The following HSPD1 variants were observed in gnomAD, a reference collection of about 807,000 sequenced individuals.
The protein encoded by HSPD1 is heat shock protein family D (Hsp60) member 1.
A neutral mutation model predicts 53.0 loss-of-function variants in HSPD1; 3 were observed. That is an observed-to-expected ratio of 0.06 (90% CI 0.03 to 0.15). The LOEUF (loss-of-function observed/expected upper bound fraction) is 0.15. Among genes scored for constraint, HSPD1 ranks in the 10% least tolerant of loss-of-function variants. The pLI, the probability that HSPD1 is intolerant of heterozygous loss-of-function variation, is 1.00. For missense variants in HSPD1, 431 were observed against 694.1 expected, an observed-to-expected ratio of 0.62 and a Z score of 4.26; for synonymous variants, 200 against 228.0, an observed-to-expected ratio of 0.88 and a Z score of 1.10.
At position 197,493,313 on chromosome 2, in the gene HSPD1, C is replaced by T. The variant is rs1405739878; in HGVS notation, c.869+11G>A. The T allele has an allele frequency of 6.2e-7, 1 of 1,607,502 alleles. No individual in the cohort carries two copies. The highest frequency in any genetic ancestry group is 2.2e-5 in the East Asian group (1 of 44,820). On this transcript the variant is annotated intron_variant, in intron 7 of 11. Transcript: ENST00000388968. The stretch of plus-strand genomic sequence containing the variant: ...GAGAAATATAAATCAACAAATACCA[C>T]TGCTTATTACCTATTCAAGACGAGT...
At position 197,491,190 on chromosome 2, in the gene HSPD1, GT is replaced by G. The variant is rs1261711864; in HGVS notation, c.870-895del. 4.6e-3 allele frequency among the ~76,000 whole-genome samples: 622 copies of G among 136,692 alleles called. 1 individual carries two copies. The highest frequency in any genetic ancestry group is 0.011 in the African/African-American group (385 of 36,256). The allele number at this position is 136,692 out of a possible 152,430, so 89.7% of individuals were successfully genotyped here. On this transcript the variant is annotated intron_variant, in intron 7 of 11. Coordinates refer to ENST00000388968, the MANE Select transcript of HSPD1 (RefSeq NM_002156.5). ...CTGGCCTCAAGTCTTTTTTTTGTGTGTTTTTTTTTTTTTTTGAGACAGAGTC... is the reference window on the plus strand; with the variant it reads ...CTGGCCTCAAGTCTTTTTTTTGTGTGTTTTTTTTTTTTTTGAGACAGAGTC...
Position 197,497,124 on chromosome 2 carries a change from C to A in HSPD1, c.427+16G>T. 2 of 1,613,550 alleles carry A rather than the reference C, an allele frequency of 1.2e-6. No homozygotes were observed. Among genetic ancestry groups the A allele is most frequent in the Non-Finnish European group, 8.5e-7 (1 of 1,179,462 alleles). On this transcript the variant is annotated intron_variant, in intron 3 of 11. Transcript: ENST00000388968. ...ACTGAAGTTTAGAACACTGTGGTGA[C>A]AACAGACATTCCTACCTCTCCTGAT...
rs767524022 is a variant in HSPD1 at position 197,491,555 on chromosome 2, C to T, written c.870-1259G>A. Among the ~76,000 whole-genome samples, 12 of 152,196 alleles carry T rather than the reference C, an allele frequency of 7.9e-5. No individual in the cohort carries two copies. In the Middle Eastern group the frequency reaches 0.01, roughly 129 times the overall value. ...TTAGAGCTTTTGGGTCAGATGAGCA[C>T]GTGTAATGTCTAAAACGTACCTGTT... is the stretch of plus-strand genomic sequence containing the variant. On this transcript the variant is annotated intron_variant, in intron 7 of 11. Coordinates refer to ENST00000388968, the MANE Select transcript of HSPD1 (RefSeq NM_002156.5).
intron 7 of HSPD1, among the ~76,000 whole-genome samples, chr2:197,492,629 G>A (rs749294223): frequency 4.0e-5 from 6 of 151,696 alleles, no homozygotes; most frequent in South Asian, 2.1e-4. Flanking sequence ...CTTGAACCCC[G>A]GAGGCTTGAG....
In HSPD1 at chr2:197,487,027, T is replaced by TA. The variant is rs777031722; in HGVS notation, c.*18dup. 124 of 1,167,456 alleles carry TA rather than the reference T, an allele frequency of 1.1e-4. No individual in the cohort carries two copies. The highest frequency in any genetic ancestry group is 8.6e-4 in the Admixed American group (51 of 59,132). The allele number at this position is 1,167,456 out of a possible 1,614,324, so 72.3% of individuals were successfully genotyped here. On this transcript the variant is annotated 3_prime_UTR_variant, in exon 12 of 12. Coordinates refer to ENST00000388968, the MANE Select transcript of HSPD1 (RefSeq NM_002156.5). ...TCCTGTCACAGTTCATTAATAAAGG[T>TA]AAAGCACTAGTCTAGGAGTTAGAAC...
intron 3 of HSPD1, chr2:197,496,773 C>T: frequency 3.4e-6 from 1 of 294,918 alleles, no homozygotes; most frequent in South Asian, 3.5e-5. Context: ...TTCTACAAAA[C>T]TAAACTAAAA....
rs780286521 is a variant in HSPD1 at position 197,487,092 on chromosome 2, C to T, written c.1676G>A (p.Gly559Asp). Residue 559 changes from glycine to aspartate, a missense_variant, in exon 12 of 12, where the codon GGT (glycine) becomes GAT (aspartate). By Grantham distance (94) the Gly-to-Asp change is moderately conservative (BLOSUM62 -1). Coordinates refer to ENST00000388968, the MANE Select transcript of HSPD1 (RefSeq NM_002156.5). ...ACCACCTCCCATTCCACCCATTGCACCCATTCCAGGGTCCTTCTCTTCTTT... is the reference window on the plus strand; with the variant it reads ...ACCACCTCCCATTCCACCCATTGCATCCATTCCAGGGTCCTTCTCTTCTTT... ...IPKEEKDPGMGAMGGMGGGMG... is the reference protein window; with the variant it reads ...IPKEEKDPGMDAMGGMGGGMG... 6.5e-6 allele frequency: 10 copies of T among 1,549,590 alleles called. No individual in the cohort carries two copies. Among genetic ancestry groups the T allele is most frequent in the African/African-American group, 5.4e-5 (4 of 73,528 alleles).
At chr2:197,492,876 G>A (rs1452946935) in intron 7 of HSPD1, among the ~76,000 whole-genome samples, 4 of 151,590 alleles carry the variant, frequency 2.6e-5, no homozygotes, top group Non-Finnish European at 5.9e-5. Context: ...CAGGTGTGGT[G>A]GCACGCACCT....
intron 7 of HSPD1, among the ~76,000 whole-genome samples, chr2:197,491,273 C>T (rs560633931): frequency 2.6e-5 from 4 of 151,408 alleles, no homozygotes; most frequent in East Asian, 1.9e-4. Context: ...CTGCAACCTC[C>T]GCCTCCTGGG....
chr2:197,498,536 A>G, intron 2 of HSPD1, 139 bp downstream of exon 2: 1 of 805,266 alleles, frequency 1.2e-6, no homozygotes, highest in South Asian at 1.6e-5. Context: ...AGGCTAACCA[A>G]TACTTCAGAA....
chr2:197,489,258 A>T lies in HSPD1; in HGVS notation c.970-11T>A. 6.2e-7 allele frequency: 1 copy of T among 1,614,090 alleles called. No homozygotes were observed. The highest frequency in any genetic ancestry group is 8.5e-7 in the Non-Finnish European group (1 of 1,179,934). Reference sequence around the variant, plus strand: ...CTCTTCTCCAAACACCTACAAAAAGAGTTAAACGTAAACCTGTTGTAGGTT... The same window carrying T: ...CTCTTCTCCAAACACCTACAAAAAGTGTTAAACGTAAACCTGTTGTAGGTT... On this transcript the variant is annotated splice_polypyrimidine_tract_variant and intron_variant, in intron 8 of 11. Coordinates refer to ENST00000388968, the MANE Select transcript of HSPD1 (RefSeq NM_002156.5).
intron 7 of HSPD1, among the ~76,000 whole-genome samples, 161 bp downstream of exon 7, chr2:197,493,163 A>C (rs1407218200): frequency 1.3e-5 from 2 of 152,194 alleles, no homozygotes; most frequent in South Asian, 2.1e-4. Flanking sequence ...CACAACCATA[A>C]GGATACATTA....
chr2:197,490,814 T>A (rs188269617), intron 7 of HSPD1, among the ~76,000 whole-genome samples: 30 of 152,324 alleles, frequency 2.0e-4, no homozygotes, highest in Admixed American at 1.4e-3. Flanking sequence ...TTACTAAATA[T>A]TACATTTGAG....
At chr2:197,499,097 C>G in intron 1 of HSPD1, 1 of 565,970 alleles carries the variant, frequency 1.8e-6, no homozygotes, top group East Asian at 3.1e-5. Flanking sequence ...GGCTCCTTCC[C>G]CACGGCCACC....
At chr2:197,497,606 T>A (rs1399542496) in intron 2 of HSPD1, 27 of 589,040 alleles carry the variant, frequency 4.6e-5, no homozygotes, top group Non-Finnish European at 1.2e-5. Flanking sequence ...AGCATAATTT[T>A]GAACTAGGTA....
At chr2:197,487,727 G>A in intron 11 of HSPD1, 131 bp downstream of exon 11, 1 of 728,548 alleles carries the variant, frequency 1.4e-6, no homozygotes, top group Non-Finnish European at 2.5e-6. Flanking sequence ...TTGTTGATGG[G>A]CACAAGAGCT....
chr2:197,496,475 G>A (rs62281271), intron 3 of HSPD1, among the ~76,000 whole-genome samples: 413 of 152,274 alleles, frequency 2.7e-3, no homozygotes, highest in Non-Finnish European at 4.0e-3. Context: ...ACTTACAAGA[G>A]GGTTCCTGGT....
In HSPD1 at chr2:197,497,154, A is replaced by C. The variant is rs1317764005; in HGVS notation, c.413T>G (p.Val138Gly). Residue 138 changes from valine (V) to glycine (G), a missense_variant, in exon 3 of 12, where the codon GTG becomes GGG. Physicochemically the swap from Val to Gly is moderately radical, Grantham distance 109. Coordinates refer to ENST00000388968, the MANE Select transcript of HSPD1 (RefSeq NM_002156.5). ...GACATTCCTACCTCTCCTGATTTCC[A>C]CTGGATTAGCACCTTTGCTAATCTT... ...FEKISKGANP[V>G]EIRRGVMLAV... is the part of the protein sequence containing the mutation. 6 of 1,614,114 alleles carry C rather than the reference A, an allele frequency of 3.7e-6. No homozygotes were observed. The South Asian group carries it at 5.5e-5, about 15-fold the overall frequency.
rs2086174111 is a variant in HSPD1, at chr2:197,497,554, C to T, written c.175-162G>A. 3 of 680,626 alleles carry T rather than the reference C, an allele frequency of 4.4e-6. No individual in the cohort carries two copies. In the South Asian group the frequency reaches 5.4e-5, roughly 12 times the overall value. 42.2% of individuals were successfully genotyped at this position (680,626 alleles called of 1,614,324 possible). On this transcript the variant is annotated intron_variant, in intron 2 of 11. Transcript: ENST00000388968. ...TGAACCTCAAGGGCAAGTTTATCGA[C>T]ATTCTTTGTCTACAGACAAAATGAC...
Sources: gnomAD v4.1 joint callset for allele counts (sites outside exome capture counted in the v4.1 genomes callset) on GRCh38, gnomAD v4.1.1 for gene constraint, MANE v1.5 for transcripts, NCBI Gene and HGNC (gene_info 2026-07-23, HGNC 2026-07-21) for gene names.